SLC41A2: variants seen among roughly 807,000 people sequenced by gnomAD.
SLC41A2 encodes solute carrier family 41 member 2, also known as SLC41A1-like 1.
In SLC41A2, 32 loss-of-function variants were observed where a neutral mutation model predicts 58.3. That is an observed-to-expected ratio of 0.55 (90% CI 0.41 to 0.74). SLC41A2 has a LOEUF of 0.74. SLC41A2 is among the 30% of genes least tolerant of loss of function. The probability of loss-of-function intolerance (pLI) is 0.00; values close to 1 mark genes in which losing one functional copy is unlikely to be tolerated. For synonymous variants in SLC41A2, 190 were observed against 235.0 expected, an observed-to-expected ratio of 0.81 and a Z score of 1.75; for missense variants, 514 against 680.6, an observed-to-expected ratio of 0.76 and a Z score of 2.72.
intron 10 of SLC41A2, among the ~76,000 whole-genome samples, chr12:104,824,044 T>A (rs2041744464): frequency 6.6e-6 from 1 of 152,182 alleles, no homozygotes; most frequent in Non-Finnish European, 1.5e-5. Context: ...GCATGGTCCC[T>A]TTAAATGATA....
chr12:104,880,785 G>A (rs894151598), intron 6 of SLC41A2, among the ~76,000 whole-genome samples: 2 of 151,914 alleles, frequency 1.3e-5, no homozygotes, highest in Non-Finnish European at 2.9e-5. Context: ...CTCTTTTTTT[G>A]TTGTGTCTCT....
intron 10 of SLC41A2, among the ~76,000 whole-genome samples, chr12:104,807,496 T>C (rs935481397): frequency 2.0e-4 from 31 of 152,180 alleles, no homozygotes; most frequent in Non-Finnish European, 8.8e-5. Context: ...AGTCAGGTAG[T>C]GTGATGCCTC....
At chr12:104,812,569 C>T (rs1048642366) in intron 10 of SLC41A2, among the ~76,000 whole-genome samples, 1 of 152,020 alleles carries the variant, frequency 6.6e-6, no homozygotes, top group South Asian at 2.1e-4. Context: ...AATATTTCTC[C>T]CATGTTCTCT....
At chr12:104,837,269 C>T (rs1358301954) in intron 10 of SLC41A2, among the ~76,000 whole-genome samples, 1 of 152,102 alleles carries the variant, frequency 6.6e-6, no homozygotes, top group African/African-American at 2.4e-5. Flanking sequence ...CCATGACGGT[C>T]AGGATTTGGG....
chr12:104,926,915 G>A (rs1203063841), intron 2 of SLC41A2, among the ~76,000 whole-genome samples: 1 of 151,760 alleles, frequency 6.6e-6, no homozygotes, highest in East Asian at 1.9e-4. Flanking sequence ...GCAAGACCTT[G>A]TCTCTAAAAA....
intron 3 of SLC41A2, among the ~76,000 whole-genome samples, chr12:104,907,086 G>A (rs1174310450): frequency 6.6e-6 from 1 of 151,908 alleles, no homozygotes; most frequent in Non-Finnish European, 1.5e-5. Flanking sequence ...ATAGACTAAT[G>A]GATTCTTATT....
At chr12:104,809,869 A>AC (rs954739488) in intron 10 of SLC41A2, among the ~76,000 whole-genome samples, 19 of 151,406 alleles carry the variant, frequency 1.3e-4, no homozygotes, top group Admixed American at 2.6e-4. Context: ...ATCCCATGGG[A>AC]CCCCCCCAGT....
At chr12:104,810,597 AAT>A (rs1375218985) in intron 10 of SLC41A2, among the ~76,000 whole-genome samples, 1 of 152,160 alleles carries the variant, frequency 6.6e-6, no homozygotes, top group East Asian at 1.9e-4. Flanking sequence ...TATTTTTGTA[AAT>A]AACGTTTTAT....
At chr12:104,906,318 G>A (rs997039150) in intron 3 of SLC41A2, among the ~76,000 whole-genome samples, 2 of 152,174 alleles carry the variant, frequency 1.3e-5, no homozygotes, top group Non-Finnish European at 2.9e-5. Context: ...GGCAGACCAT[G>A]CCACCATTAG....
intron 10 of SLC41A2, among the ~76,000 whole-genome samples, chr12:104,807,170 G>T (rs916793962): frequency 6.6e-6 from 1 of 152,172 alleles, no homozygotes; most frequent in South Asian, 2.1e-4. Context: ...TATTGCCTAG[G>T]TTTTCTTCTA....
intron 1 of SLC41A2, among the ~76,000 whole-genome samples, chr12:104,930,774 G>A (rs2047019896): frequency 6.6e-6 from 1 of 152,148 alleles, no homozygotes; most frequent in Non-Finnish European, 1.5e-5. Context: ...AAATAGAGAG[G>A]AGAGAAAGAA....
intron 10 of SLC41A2, chr12:104,834,232 CCTTACA>C: frequency 1.1e-6 from 1 of 949,792 alleles, no homozygotes; most frequent in Non-Finnish European, 1.3e-6. Context: ...CAATTTGAGA[CCTTACA>C]ACCTAAGCTA....
chr12:104,895,416 AT>A, intron 3 of SLC41A2, 71 bp from the exon 4 acceptor site: 5 of 1,081,980 alleles, frequency 4.6e-6, no homozygotes, highest in Non-Finnish European at 7.0e-6. Context: ...CAAACAGCAC[AT>A]GAAATCTTAA....
intron 8 of SLC41A2, chr12:104,852,028 G>A (rs896310257): frequency 6.6e-6 from 1 of 152,170 alleles, no homozygotes; most frequent in African/African-American, 2.4e-5. Context: ...CTAAGTGAAG[G>A]TAAATGAAAA....
Position 104,874,718 on chromosome 12 carries a change from T to C in SLC41A2, c.1028-8139A>G, listed in dbSNP as rs145274815. The stretch of plus-strand genomic sequence containing the variant: ...TATCCTGTTCCACTGTCTGTTCCCA[T>C]GCCAGTACTATACTGCTTTGATTAC... On this transcript the variant is annotated intron_variant, in intron 6 of 10. Transcript: ENST00000258538. 2.8e-4 allele frequency among the ~76,000 whole-genome samples: 43 copies of C among 152,332 alleles called. No individual in the cohort carries two copies. In the East Asian group the frequency reaches 7.9e-3, roughly 28 times the overall value.
At chr12:104,955,451 G>T (rs1003766840) in intron 1 of SLC41A2, among the ~76,000 whole-genome samples, 15 of 152,106 alleles carry the variant, frequency 9.9e-5, no homozygotes, top group African/African-American at 3.6e-4. Context: ...GGTTGGTTTG[G>T]TCTGAATATC....
At chr12:104,953,259 T>C (rs1353202203) in intron 1 of SLC41A2, among the ~76,000 whole-genome samples, 2 of 152,262 alleles carry the variant, frequency 1.3e-5, no homozygotes, top group African/African-American at 4.8e-5. Context: ...AGTTCATTTT[T>C]ATAAATGGTG....
chr12:104,873,281 T>C (rs2043876360), intron 6 of SLC41A2, among the ~76,000 whole-genome samples: 1 of 152,248 alleles, frequency 6.6e-6, no homozygotes, highest in Non-Finnish European at 1.5e-5. Flanking sequence ...GATCATGCAG[T>C]ATTTTTACTT....
intron 2 of SLC41A2, among the ~76,000 whole-genome samples, chr12:104,926,939 A>T (rs1407530468): frequency 6.6e-6 from 1 of 152,054 alleles, no homozygotes; most frequent in Middle Eastern, 3.4e-3. Context: ...ATTTTTTTTA[A>T]TTAGTGAGGT....
Sources: gnomAD v4.1 joint callset for allele counts (sites outside exome capture counted in the v4.1 genomes callset) on GRCh38, gnomAD v4.1.1 for gene constraint, MANE v1.5 for transcripts, NCBI Gene and HGNC (gene_info 2026-07-23, HGNC 2026-07-21) for gene names.